The following ME3 variants were observed in gnomAD, a reference collection of about 807,000 sequenced individuals.
ME3 encodes malic enzyme 3.
In ME3, 48 loss-of-function variants were observed where a neutral mutation model predicts 68.9. The ratio of observed to expected loss-of-function variants is 0.70; its 90% CI spans 0.55 to 0.89. The LOEUF (loss-of-function observed/expected upper bound fraction) is 0.89. ME3 is among the 40% of genes least tolerant of loss of function. The probability of loss-of-function intolerance (pLI) is 0.00; values close to 1 mark genes in which losing one functional copy is unlikely to be tolerated. For synonymous variants in ME3, 320 were observed against 318.8 expected (o/e 1.00, Z -0.04); for missense variants, 675 against 797.4 (o/e 0.85, Z 1.85).
chr11:86,487,065 G>A (rs2279047), intron 7 of ME3, among the ~76,000 whole-genome samples: 5,223 of 152,178 alleles, frequency 0.034, 194 homozygotes, highest in African/African-American at 0.094. Flanking sequence ...TTTTTCTCCT[G>A]GGACAATGAT....
chr11:86,668,405 CT>C (rs1946709184), intron 2 of ME3, among the ~76,000 whole-genome samples: 1 of 152,108 alleles, frequency 6.6e-6, no homozygotes. Flanking sequence ...TAATACATTT[CT>C]TTAAAAAAAT....
At chr11:86,517,494 T>G (rs962667344) in intron 4 of ME3, among the ~76,000 whole-genome samples, 6 of 152,170 alleles carry the variant, frequency 3.9e-5, no homozygotes, top group African/African-American at 1.4e-4. Flanking sequence ...TCAATAAAGA[T>G]GTCCAGAGAT....
At chr11:86,579,951 C>A (rs61372386) in intron 2 of ME3, among the ~76,000 whole-genome samples, 21,757 of 152,172 alleles carry the variant, frequency 0.14, 1,755 homozygotes, top group Middle Eastern at 0.23. Flanking sequence ...GAACTTCAAA[C>A]CTTTTGAGTT....
intron 2 of ME3, among the ~76,000 whole-genome samples, chr11:86,669,229 A>C (rs1946764433): frequency 6.6e-6 from 1 of 152,220 alleles, no homozygotes; most frequent in African/African-American, 2.4e-5. Context: ...GGGGATGCCA[A>C]CAGGCTGTCA....
intron 4 of ME3, among the ~76,000 whole-genome samples, chr11:86,524,521 T>C (rs1954582003): frequency 6.6e-6 from 1 of 152,202 alleles, no homozygotes; most frequent in South Asian, 2.1e-4. Flanking sequence ...AAGAAAAAGC[T>C]GAAATTGTAA....
chr11:86,479,905 C>T (rs1054793537), intron 7 of ME3, among the ~76,000 whole-genome samples: 1 of 151,994 alleles, frequency 6.6e-6, no homozygotes, highest in African/African-American at 2.4e-5. Context: ...ACCTCCACCT[C>T]CTGGGTTCAA....
intron 2 of ME3, among the ~76,000 whole-genome samples, chr11:86,603,201 T>C (rs1349593453): frequency 6.6e-6 from 1 of 152,148 alleles, no homozygotes; most frequent in Non-Finnish European, 1.5e-5. Context: ...CCTACTCATC[T>C]GACAAAGGGC....
At chr11:86,519,291 G>A (rs549088872) in intron 4 of ME3, among the ~76,000 whole-genome samples, 1 of 152,330 alleles carries the variant, frequency 6.6e-6, no homozygotes, top group Admixed American at 6.5e-5. Context: ...TCCATCAGGA[G>A]CCAGAAAAAT....
chr11:86,585,056 G>A (rs950067629), intron 2 of ME3, among the ~76,000 whole-genome samples: 1 of 152,168 alleles, frequency 6.6e-6, no homozygotes, highest in Non-Finnish European at 1.5e-5. Context: ...TAGGGGTGGT[G>A]TTGAGCAGCT....
chr11:86,575,890 G>C (rs747876170), intron 2 of ME3, among the ~76,000 whole-genome samples: 1 of 152,186 alleles, frequency 6.6e-6, no homozygotes, highest in African/African-American at 2.4e-5. Flanking sequence ...AGTTGGTGTA[G>C]GGGGCCCTTA....
At chr11:86,498,724 A>G (rs1952525985) in intron 5 of ME3, among the ~76,000 whole-genome samples, 1 of 152,310 alleles carries the variant, frequency 6.6e-6, no homozygotes, top group Non-Finnish European at 1.5e-5. Flanking sequence ...AGGGCCTACT[A>G]TGTGCTAGAT....
At chr11:86,551,244 A>G (rs565441159) in intron 4 of ME3, among the ~76,000 whole-genome samples, 1 of 152,200 alleles carries the variant, frequency 6.6e-6, no homozygotes, top group African/African-American at 2.4e-5. Flanking sequence ...TCTGACCCTC[A>G]TAATGATGCC....
chr11:86,623,745 C>A (rs537194383), intron 2 of ME3, among the ~76,000 whole-genome samples: 1 of 152,296 alleles, frequency 6.6e-6, no homozygotes, highest in African/African-American at 2.4e-5. Context: ...CAGTATTTCA[C>A]AGTTACCTCT....
At chr11:86,638,929 T>G (rs564605605) in intron 2 of ME3, among the ~76,000 whole-genome samples, 9 of 152,280 alleles carry the variant, frequency 5.9e-5, no homozygotes. Flanking sequence ...CTTCCAAACC[T>G]GTCTGGAAAG....
At chr11:86,651,260 AC>A (rs1594785992) in intron 2 of ME3, among the ~76,000 whole-genome samples, 2 of 152,326 alleles carry the variant, frequency 1.3e-5, no homozygotes, top group East Asian at 3.9e-4. Flanking sequence ...TTCTCCCAGC[AC>A]GCAGCTTGAG....
chr11:86,613,724 A>G (rs187032982), intron 2 of ME3, among the ~76,000 whole-genome samples: 1 of 152,262 alleles, frequency 6.6e-6, no homozygotes, highest in East Asian at 1.9e-4. Context: ...CACCATTGCT[A>G]CAAAGAGAAT....
intron 6 of ME3, among the ~76,000 whole-genome samples, chr11:86,493,412 C>T (rs1043883574): frequency 1.7e-4 from 26 of 152,212 alleles, no homozygotes; most frequent in African/African-American, 1.2e-4. Context: ...CTCCATCCCC[C>T]GGGATTCCCC....
chr11:86,534,081 G>GTGTATATATATATATATATATATATATA (rs1361825219), intron 4 of ME3, among the ~76,000 whole-genome samples: 2 of 127,522 alleles, frequency 1.6e-5, no homozygotes, highest in African/African-American at 6.4e-5. Flanking sequence ...GTGTGTGTGT[G>GTGTATATATATATATATATATATATATA]TATATATATA....
At chr11:86,615,901 A>C (rs563218792) in intron 2 of ME3, among the ~76,000 whole-genome samples, 9 of 152,298 alleles carry the variant, frequency 5.9e-5, no homozygotes, top group South Asian at 2.1e-4. Flanking sequence ...AAAGATTAAA[A>C]ACCACCAATA....
Sources: allele counts gnomAD v4.1 joint callset (sites outside exome capture counted in the v4.1 genomes callset), GRCh38; gene constraint gnomAD v4.1.1; transcripts MANE v1.5; gene names NCBI Gene and HGNC (gene_info 2026-07-23, HGNC 2026-07-21).